The following CAST variants were observed in gnomAD, a reference collection of about 807,000 sequenced individuals.
CAST encodes calpastatin.
Under a neutral mutation model 119.6 loss-of-function variants are expected in CAST, and 76 were observed. The ratio of observed to expected loss-of-function variants is 0.64; its 90% confidence interval spans 0.53 to 0.77. The LOEUF (loss-of-function observed/expected upper bound fraction) is 0.77. CAST is among the 30% of genes least tolerant of loss of function. The pLI, the probability that CAST is intolerant of heterozygous loss-of-function variation, is 0.00. For synonymous variants in CAST, 319 were observed against 331.6 expected, an observed-to-expected ratio of 0.96 and a Z score of 0.41; for missense variants, 953 against 946.5, an observed-to-expected ratio of 1.01 and a Z score of -0.09.
chr5:96,245,387 C>A, the CAST span, among the ~76,000 whole-genome samples: 4 of 152,146 alleles, frequency 2.6e-5, no homozygotes, highest in Non-Finnish European at 5.9e-5. Context: ...AAGCTGGCAA[C>A]CACTTTATCT....
intron 3 of CAST, among the ~76,000 whole-genome samples, chr5:96,714,088 A>T (rs868351755): frequency 6.6e-6 from 1 of 152,226 alleles, no homozygotes; most frequent in Admixed American, 6.5e-5. Flanking sequence ...ACTGCTGTCT[A>T]TTGATGTACC....
At chr5:96,695,788 T>C (rs745800542) in intron 2 of CAST, 48 bp from the exon 3 acceptor site, 6 of 1,255,804 alleles carry the variant, frequency 4.8e-6, no homozygotes, top group Non-Finnish European at 6.9e-6. Context: ...TTTGACTACA[T>C]TGGTAAGGTG....
At chr5:96,053,158 A>G in the CAST span, among the ~76,000 whole-genome samples, 4 of 152,314 alleles carry the variant, frequency 2.6e-5, no homozygotes, top group South Asian at 4.1e-4. Context: ...GTGGTTCTCA[A>G]TATTGGCTAT....
intron 15 of CAST, chr5:96,741,877 A>C (rs1762763898): frequency 3.6e-6 from 1 of 276,974 alleles, no homozygotes; most frequent in African/African-American, 2.2e-5. Context: ...TTGGAACATA[A>C]AACCTTCAAG....
chr5:96,756,408 A>G (rs1766338235), intron 22 of CAST, among the ~76,000 whole-genome samples: 1 of 152,218 alleles, frequency 6.6e-6, no homozygotes. Context: ...TCATGAGGGA[A>G]ACAGGTGATC....
chr5:96,588,657 G>C (rs575080440), intron 1 of CAST, among the ~76,000 whole-genome samples: 2 of 152,096 alleles, frequency 1.3e-5, no homozygotes, highest in African/African-American at 4.8e-5. Context: ...TATGATCAGA[G>C]CCCAAGAGAG....
upstream of CAST, among the ~76,000 whole-genome samples, chr5:96,528,408 T>A (rs1745632965): frequency 6.6e-6 from 1 of 152,138 alleles, no homozygotes. Context: ...TTGGCCCCCC[T>A]TCCACTGGGC....
chr5:96,551,485 C>T (rs776292071), intron 1 of CAST, among the ~76,000 whole-genome samples: 1 of 152,060 alleles, frequency 6.6e-6, no homozygotes, highest in Non-Finnish European at 1.5e-5. Flanking sequence ...TAAAGACCAT[C>T]GACACTATGA....
At chr5:96,421,969 C>T in the CAST span, 4 of 381,620 alleles carry the variant, frequency 1.0e-5, no homozygotes, top group Non-Finnish European at 1.8e-5. Context: ...AAAGAGACAA[C>T]AAAATATAAC....
At chr5:96,084,943 G>A in the CAST span, among the ~76,000 whole-genome samples, 2 of 152,202 alleles carry the variant, frequency 1.3e-5, no homozygotes, top group Non-Finnish European at 2.9e-5. Flanking sequence ...ACTGTATATG[G>A]CTTCAAGCAA....
At chr5:96,302,726 G>A in the CAST span, among the ~76,000 whole-genome samples, 1 of 152,186 alleles carries the variant, frequency 6.6e-6, no homozygotes, top group Non-Finnish European at 1.5e-5. Context: ...TAGCAAGAAG[G>A]ACCTTTATTC....
intron 1 of CAST, among the ~76,000 whole-genome samples, chr5:96,653,987 C>T (rs1748124455): frequency 6.7e-6 from 1 of 150,368 alleles, no homozygotes; most frequent in South Asian, 2.1e-4. Context: ...TTTCTCTTCC[C>T]TTGTATCTCT....
chr5:96,024,329 G>A, the CAST span, among the ~76,000 whole-genome samples: 1 of 152,162 alleles, frequency 6.6e-6, no homozygotes, highest in African/African-American at 2.4e-5. Context: ...TGATACTTTT[G>A]TAAAGGGAAA....
At chr5:96,319,205 GAAATCACTCATTAC>G in the CAST span, among the ~76,000 whole-genome samples, 1 of 152,120 alleles carries the variant, frequency 6.6e-6, no homozygotes, top group African/African-American at 2.4e-5. Context: ...AACAGAGTGA[GAAATCACTCATTAC>G]TTCAAGAACA....
intron 1 of CAST, among the ~76,000 whole-genome samples, chr5:96,664,833 T>C (rs1033686267): frequency 2.0e-5 from 3 of 152,230 alleles, no homozygotes; most frequent in Admixed American, 6.5e-5. Flanking sequence ...ATTTGATTGA[T>C]GTGGTAAGAA....
chr5:96,260,281 C>T, the CAST span, among the ~76,000 whole-genome samples: 4 of 152,132 alleles, frequency 2.6e-5, no homozygotes, highest in Admixed American at 6.5e-5. Context: ...AAGGCTGATC[C>T]GGTCTAGAGA....
chr5:96,628,640 C>G (rs963154694), intron 1 of CAST, among the ~76,000 whole-genome samples: 1 of 152,184 alleles, frequency 6.6e-6, no homozygotes, highest in Non-Finnish European at 1.5e-5. Context: ...CGACATTCAC[C>G]ACTTACCACC....
At chr5:96,414,487 C>A in the CAST span, among the ~76,000 whole-genome samples, 2 of 152,142 alleles carry the variant, frequency 1.3e-5, no homozygotes, top group Admixed American at 6.5e-5. Context: ...TGTTAACCAC[C>A]AGGATACACT....
At chr5:96,340,625 G>A in the CAST span, among the ~76,000 whole-genome samples, 2 of 152,110 alleles carry the variant, frequency 1.3e-5, no homozygotes, top group East Asian at 1.9e-4. Flanking sequence ...GAGAAGAATC[G>A]AGGTAAATCC....
Sources: gnomAD v4.1 joint callset for allele counts (sites outside exome capture counted in the v4.1 genomes callset) on GRCh38, gnomAD v4.1.1 for gene constraint, MANE v1.5 for transcripts, NCBI Gene and HGNC (gene_info 2026-07-23, HGNC 2026-07-21) for gene names.